Variants in PLEKHG4 observed in about 807,000 individuals in gnomAD.
PLEKHG4 encodes puratrophin-1.
In PLEKHG4, 85 loss-of-function variants were observed where a neutral mutation model predicts 136.9. That is an observed-to-expected ratio of 0.62 (90% CI 0.52 to 0.74). The LOEUF is 0.74. Among genes scored for constraint, PLEKHG4 ranks in the 30% least tolerant of loss-of-function variants. PLEKHG4 has a pLI of 0.00. For missense variants in PLEKHG4, 1,317 were observed against 1,527.8 expected, an observed-to-expected ratio of 0.86 and a Z score of 2.30; for synonymous variants, 577 against 646.9, an observed-to-expected ratio of 0.89 and a Z score of 1.64.
In PLEKHG4 at chr16:67,286,935, C is replaced by T; in HGVS notation, c.2925+16C>T. 2 of 1,613,144 alleles carry T rather than the reference C, an allele frequency of 1.2e-6. No homozygotes were observed. Among genetic ancestry groups the T allele is most frequent in the Non-Finnish European group, 1.7e-6 (2 of 1,179,684 alleles). ...CTCCTTCAAGGTAGGCCTGCCCACCCCAGGCCCCACCACTTGTTTTCCCGC... is the reference window on the plus strand; with the variant it reads ...CTCCTTCAAGGTAGGCCTGCCCACCTCAGGCCCCACCACTTGTTTTCCCGC... On this transcript the variant is annotated intron_variant, in intron 17 of 21. Coordinates refer to ENST00000379344, the MANE Select transcript of PLEKHG4 (RefSeq NM_001129729.3).
intron 19 of PLEKHG4, 43 bp from the exon 20 acceptor site, chr16:67,288,124 C>T: frequency 6.4e-7 from 1 of 1,574,254 alleles, no homozygotes; most frequent in South Asian, 1.1e-5. Flanking sequence ...TGGGGCCAGG[C>T]TAGGCTCTGG....
chr16:67,284,851 G>A lies in PLEKHG4; in HGVS notation c.1831G>A (p.Ala611Thr), dbSNP rs368859606. The A allele has an allele frequency of 4.7e-4, 764 of 1,613,174 alleles. 3 individuals are homozygous for A. The highest frequency in any genetic ancestry group is 2.5e-3 in the South Asian group (230 of 91,034). The change falls in exon 13 of 22, where the codon GCT becomes ACT. Residue 611 changes from alanine to threonine, a missense_variant. Transcript: ENST00000379344. The surrounding 1 kb of genome is among the most constrained non-coding windows in gnomAD (Gnocchi z 4.4). ...LPPAHFRKMWALATGLGSEAI... is the reference protein window; with the variant it reads ...LPPAHFRKMWTLATGLGSEAI... ...TCCTGCCCACTTCCGAAAGATGTGG[G>A]CTCTGGCCACGGGGCTGGGCTCAGA...
intron 18 of PLEKHG4, chr16:67,287,593 A>G: frequency 4.0e-6 from 2 of 503,846 alleles, no homozygotes; most frequent in East Asian, 3.8e-5. Context: ...AGGTCTCATT[A>G]TATTGCCCAG....
Position 67,288,894 on chromosome 16 carries a change from C to T in PLEKHG4, c.*86C>T. 1 of 1,479,570 alleles carries T rather than the reference C, an allele frequency of 6.8e-7. No homozygotes were observed. The highest frequency in any genetic ancestry group is 1.2e-5 in the South Asian group (1 of 85,118). 91.7% of individuals were successfully genotyped at this position (1,479,570 alleles called of 1,614,324 possible). On this transcript the variant is annotated 3_prime_UTR_variant, in exon 22 of 22. Transcript: ENST00000379344. Reference sequence around the variant, plus strand: ...TGGATCTGCTGTGACCAGGGTGTGGCTGACACCTGGGCTACCTCCAACCTA... The same window carrying T: ...TGGATCTGCTGTGACCAGGGTGTGGTTGACACCTGGGCTACCTCCAACCTA...
intron 10 of PLEKHG4, 47 bp from the exon 11 acceptor site, chr16:67,282,695 C>T (rs1378781816): frequency 6.2e-7 from 1 of 1,613,370 alleles, no homozygotes; most frequent in Admixed American, 1.7e-5. Flanking sequence ...CGTGAGCCCC[C>T]AGTCCATAGC....
chr16:67,279,468 G>GCGGCGCTGCGCGGCGCCCCGGCGGCA (rs2036106623), upstream of PLEKHG4: 2 of 151,812 alleles, frequency 1.3e-5, no homozygotes, highest in Non-Finnish European at 2.9e-5. Flanking sequence ...AGGGGGCGGC[G>GCGGCGCTGCGCGGCGCCCCGGCGGCA]CGGCGCTGCG....
chr16:67,281,674 G>A, intron 6 of PLEKHG4, 30 bp downstream of exon 6: 4 of 1,611,738 alleles, frequency 2.5e-6, no homozygotes, highest in Non-Finnish European at 3.4e-6. Flanking sequence ...AGGGGTAGAG[G>A]TGGGGTGCCT....
chr16:67,285,208 C>A lies in PLEKHG4; in HGVS notation c.2188C>A (p.Leu730Ile). The change falls in exon 13 of 22, where the codon CTC (leucine) becomes ATC (isoleucine). Residue 730 changes from leucine (L) to isoleucine (I), a missense_variant. Coordinates refer to ENST00000379344, the MANE Select transcript of PLEKHG4 (RefSeq NM_001129729.3). ...PPPGSSDPRS[L>I]NRLQLVLAEM... ...ACCAGGCAGCTCTGACCCCAGGAGCCTCAACAGGTATGGGCAGTAGGCAGG... is the reference window on the plus strand; with the variant it reads ...ACCAGGCAGCTCTGACCCCAGGAGCATCAACAGGTATGGGCAGTAGGCAGG... The A allele has an allele frequency of 6.2e-7, 1 of 1,613,732 alleles. No individual in the cohort carries two copies. Among genetic ancestry groups the A allele is most frequent in the Non-Finnish European group, 8.5e-7 (1 of 1,180,024 alleles).
intron 11 of PLEKHG4, 128 bp downstream of exon 11, chr16:67,282,986 G>C: frequency 1.3e-6 from 1 of 746,202 alleles, no homozygotes. Context: ...GAAGATATCA[G>C]TTGTAATTAA....
chr16:67,282,015 G>C lies in PLEKHG4; in HGVS notation c.1012G>C (p.Glu338Gln). ...TGCCTGCCCCTGCTTACAGCGGCTG[G>C]AAGCTCTACTACAGAACTGCCAGGC... ...QAWLDFRRRL[E>Q]ALLQNCQAAC... is the part of the protein sequence containing the mutation. Residue 338 changes from glutamate to glutamine, a missense_variant, in exon 8 of 22, where the codon GAA becomes CAA. Glu to Gln is a conservative substitution (Grantham distance 29, BLOSUM62 2). Coordinates refer to ENST00000379344, the MANE Select transcript of PLEKHG4 (RefSeq NM_001129729.3). The C allele has an allele frequency of 6.2e-7, 1 of 1,612,966 alleles. No homozygotes were observed. Among genetic ancestry groups the C allele is most frequent in the Non-Finnish European group, 8.5e-7 (1 of 1,179,634 alleles).
Position 67,285,302 on chromosome 16 carries a change from G to T in PLEKHG4, c.2208G>T (p.Val736=). 1.2e-6 allele frequency: 2 copies of T among 1,614,104 alleles called. No individual in the cohort carries two copies. The highest frequency in any genetic ancestry group is 8.5e-7 in the Non-Finnish European group (1 of 1,180,036). Reference sequence around the variant, plus strand: ...CCATACCTGGTAGGCTACAGCTGGTGCTGGCAGAGATGGTGGCCACGGAGC... The same window carrying T: ...CCATACCTGGTAGGCTACAGCTGGTTCTGGCAGAGATGGTGGCCACGGAGC... The part of the protein sequence containing the change: ...DPRSLNRLQL[V]LAEMVATERE... Residue 736 remains valine (V), a synonymous_variant, in exon 14 of 22, where the codon GTG becomes GTT. Transcript: ENST00000379344.
intron 5 of PLEKHG4, 101 bp downstream of exon 5, chr16:67,281,285 G>A (rs113596685): frequency 6.4e-5 from 58 of 901,570 alleles, no homozygotes; most frequent in African/African-American, 3.0e-4. Flanking sequence ...GTGCAGTGGC[G>A]CAATCTTGGC....
chr16:67,279,524 G>T (rs895330665), upstream of PLEKHG4: 1 of 151,982 alleles, frequency 6.6e-6, no homozygotes, highest in Non-Finnish European at 1.5e-5. Context: ...GCCAGGAGGC[G>T]GTGTCCCGTG....
chr16:67,283,464 T>C (rs1397779448), intron 11 of PLEKHG4, among the ~76,000 whole-genome samples: 1 of 151,932 alleles, frequency 6.6e-6, no homozygotes, highest in Non-Finnish European at 1.5e-5. Context: ...AGGATGGGCA[T>C]GGGGAGTGCA....
intron 5 of PLEKHG4, 36 bp downstream of exon 5, chr16:67,281,220 CT>C (rs57651895): frequency 0.11 from 130,761 of 1,163,780 alleles, 10,248 homozygotes; most frequent in African/African-American, 0.53. Context: ...CATTCCTTTT[CT>C]TTTCTTTTTT....
chr16:67,288,780 T>G (rs1460930410), intron 21 of PLEKHG4, 23 bp from the exon 22 acceptor site: 1 of 1,613,560 alleles, frequency 6.2e-7, no homozygotes, highest in Middle Eastern at 1.6e-4. Flanking sequence ...AAGCAGGCAT[T>G]CATGCCTGGC....
rs781091450 is a variant in PLEKHG4, at chr16:67,288,201, G to T, written c.3255G>T (p.Pro1085=). 3 of 1,613,912 alleles carry T rather than the reference G, an allele frequency of 1.9e-6. No homozygotes were observed. The highest frequency in any genetic ancestry group is 1.7e-6 in the Non-Finnish European group (2 of 1,180,008). ...VRSRASIAVA[P]FDHDSLYLGA... ...CTCGGGCGTCCATTGCCGTAGCCCC[G>T]TTTGACCATGACAGCCTCTACCTGG... Residue 1085 remains proline (P), a synonymous_variant, in exon 20 of 22, where the codon CCG becomes CCT. Coordinates refer to ENST00000379344, the MANE Select transcript of PLEKHG4 (RefSeq NM_001129729.3).
In PLEKHG4 at chr16:67,284,292, G is replaced by T; in HGVS notation, c.1527G>T (p.Gly509=). The T allele has an allele frequency of 6.2e-7, 1 of 1,613,972 alleles. No individual in the cohort carries two copies. The highest frequency in any genetic ancestry group is 8.5e-7 in the Non-Finnish European group (1 of 1,179,950). Residue 509 remains glycine, a synonymous_variant, in exon 12 of 22, where the codon GGG becomes GGT. Transcript: ENST00000379344. The surrounding 1 kb of genome is among the most constrained non-coding windows in gnomAD (Gnocchi z 4.4). The part of the protein sequence containing the change: ...YQVAQEQVRQ[G]EKFLQPLTGW... ...CTCTGCAGGAGCAGGTCAGGCAAGG[G>T]GAGAAGTTTCTGCAGCCGCTGACTG...
At chr16:67,281,966 C>A in intron 7 of PLEKHG4, 43 bp from the exon 8 acceptor site, 1 of 1,576,168 alleles carries the variant, frequency 6.3e-7, no homozygotes, top group Non-Finnish European at 8.7e-7. Flanking sequence ...AGCCCAGGAC[C>A]AACACTGCAT....
Sources: gnomAD v4.1 joint callset for allele counts (sites outside exome capture counted in the v4.1 genomes callset) on GRCh38, gnomAD v4.1.1 for gene constraint, Gnocchi (gnomAD v3.1) non-coding constraint, MANE v1.5 for transcripts, NCBI Gene and HGNC (gene_info 2026-07-23, HGNC 2026-07-21) for gene names.